PBX1: variants seen among roughly 807,000 people sequenced by gnomAD.
PBX1 encodes the protein pre-B-cell leukemia transcription factor 1.
In PBX1, 6 loss-of-function variants were observed where a neutral mutation model predicts 53.4. The ratio of observed to expected loss-of-function variants is 0.11; its 90% CI spans 0.06 to 0.22. The LOEUF (loss-of-function observed/expected upper bound fraction) is 0.22. PBX1 is among the 10% of genes least tolerant of loss of function. The pLI is 1.00. For synonymous variants in PBX1, 204 were observed against 212.3 expected (o/e 0.96, Z 0.34); for missense variants, 251 against 551.4 (o/e 0.46, Z 5.46).
chr1:164,809,390 T>A (rs942835966), intron 5 of PBX1, among the ~76,000 whole-genome samples: 10 of 152,192 alleles, frequency 6.6e-5, no homozygotes, highest in Non-Finnish European at 1.5e-4. Context: ...GCCAAAGTCA[T>A]GCCATTCTTT....
At chr1:164,635,620 C>T (rs568954438) in intron 2 of PBX1, among the ~76,000 whole-genome samples, 2 of 152,378 alleles carry the variant, frequency 1.3e-5, no homozygotes, top group East Asian at 3.9e-4. Flanking sequence ...CACCCTCCAT[C>T]CAGCCTCGCC....
intron 2 of PBX1, among the ~76,000 whole-genome samples, chr1:164,687,934 C>T (rs1188045924): frequency 2.0e-5 from 3 of 152,186 alleles, no homozygotes; most frequent in Non-Finnish European, 4.4e-5. Flanking sequence ...TGCTAACTCT[C>T]CCCAGCTGTG....
At chr1:164,688,320 G>C (rs1662249115) in intron 2 of PBX1, among the ~76,000 whole-genome samples, 1 of 152,210 alleles carries the variant, frequency 6.6e-6, no homozygotes. Flanking sequence ...TAAGTAGAGA[G>C]AGTTTCTGAT....
chr1:164,854,335 A>AT (rs997609557), downstream of PBX1: 3 of 103,494 alleles, frequency 2.9e-5, no homozygotes, highest in Non-Finnish European at 5.8e-5. Context: ...AGCCTTTTAA[A>AT]TTAAAAAAAA....
At chr1:164,671,857 C>T (rs1188029032) in intron 2 of PBX1, among the ~76,000 whole-genome samples, 1 of 152,154 alleles carries the variant, frequency 6.6e-6, no homozygotes, top group Non-Finnish European at 1.5e-5. Flanking sequence ...ACTGGGAGCT[C>T]ATCAGACAGA....
intron 2 of PBX1, among the ~76,000 whole-genome samples, chr1:164,640,246 A>T (rs1659036977): frequency 6.6e-6 from 1 of 152,176 alleles, no homozygotes; most frequent in Non-Finnish European, 1.5e-5. Context: ...TATGTCTGCT[A>T]GTATACAGAG....
At chr1:164,722,687 A>G (rs1459704207) in intron 2 of PBX1, among the ~76,000 whole-genome samples, 1 of 151,848 alleles carries the variant, frequency 6.6e-6, no homozygotes, top group Non-Finnish European at 1.5e-5. Context: ...TGTTTTGGTC[A>G]TTTTTCTTCT....
intron 2 of PBX1, among the ~76,000 whole-genome samples, chr1:164,873,413 C>T (rs566383937): frequency 2.0e-5 from 3 of 152,198 alleles, no homozygotes; most frequent in African/African-American, 7.2e-5. Flanking sequence ...GTTCCATGAG[C>T]CCCCTTACCA....
intron 2 of PBX1, among the ~76,000 whole-genome samples, chr1:164,870,527 A>G (rs961326948): frequency 1.3e-5 from 2 of 151,828 alleles, no homozygotes; most frequent in Non-Finnish European, 2.9e-5. Flanking sequence ...TACTTTTAGT[A>G]GAGACGGGGT....
At chr1:164,600,529 G>A (rs1557883644) in intron 2 of PBX1, among the ~76,000 whole-genome samples, 3 of 152,170 alleles carry the variant, frequency 2.0e-5, no homozygotes, top group Admixed American at 6.5e-5. Flanking sequence ...GATTACAGGC[G>A]TGAGCCACTG....
At chr1:164,792,224 T>C (rs1668550339) in intron 2 of PBX1, among the ~76,000 whole-genome samples, 1 of 152,186 alleles carries the variant, frequency 6.6e-6, no homozygotes, top group Non-Finnish European at 1.5e-5. Context: ...CCACAACTCA[T>C]GGTACCCATT....
chr1:164,633,512 G>A (rs1658547544), intron 2 of PBX1, among the ~76,000 whole-genome samples: 1 of 152,108 alleles, frequency 6.6e-6, no homozygotes, highest in Non-Finnish European at 1.5e-5. Flanking sequence ...TTCACTGCTA[G>A]GTCCATTTTG....
intron 8 of PBX1, among the ~76,000 whole-genome samples, chr1:164,832,380 G>A (rs1670812117): frequency 1.3e-5 from 2 of 152,128 alleles, no homozygotes; most frequent in African/African-American, 4.8e-5. Context: ...TATTTAGACA[G>A]CTCTTTCCTG....
chr1:164,838,593 G>A (rs1891733), intron 8 of PBX1, among the ~76,000 whole-genome samples: 7,020 of 152,194 alleles, frequency 0.046, 197 homozygotes, highest in East Asian at 0.071. Flanking sequence ...CCACAGCCCC[G>A]TCTTTTGAAA....
At chr1:164,577,321 A>G (rs1654322085) in intron 2 of PBX1, among the ~76,000 whole-genome samples, 1 of 152,206 alleles carries the variant, frequency 6.6e-6, no homozygotes, top group Non-Finnish European at 1.5e-5. Flanking sequence ...TGGGGCCTTC[A>G]GACATAGCTA....
At chr1:164,625,716 G>C (rs1330942336) in intron 2 of PBX1, among the ~76,000 whole-genome samples, 6 of 151,348 alleles carry the variant, frequency 4.0e-5, no homozygotes, top group African/African-American at 1.5e-4. Context: ...ATGTGAGTGT[G>C]TGTGTGTTAA....
intron 2 of PBX1, among the ~76,000 whole-genome samples, chr1:164,631,303 A>G (rs554330567): frequency 1.3e-5 from 2 of 150,352 alleles, no homozygotes; most frequent in African/African-American, 4.9e-5. Flanking sequence ...TTTTTTCTAC[A>G]GTATTCAAAG....
At chr1:164,627,394 G>A (rs1043183193) in intron 2 of PBX1, among the ~76,000 whole-genome samples, 14 of 152,056 alleles carry the variant, frequency 9.2e-5, no homozygotes, top group African/African-American at 2.7e-4. Context: ...ATGTGTGGCC[G>A]GCAATTGCTT....
At chr1:164,871,063 A>T (rs966811777) in intron 2 of PBX1, among the ~76,000 whole-genome samples, 1 of 152,212 alleles carries the variant, frequency 6.6e-6, no homozygotes, top group East Asian at 1.9e-4. Context: ...TGCCTTATTA[A>T]AAAGTCAGCC....
Sources: allele counts gnomAD v4.1 joint callset (sites outside exome capture counted in the v4.1 genomes callset), GRCh38; gene constraint gnomAD v4.1.1; transcripts MANE v1.5; gene names NCBI Gene and HGNC (gene_info 2026-07-23, HGNC 2026-07-21).